The following MARK2 variants were observed in gnomAD, a reference collection of about 807,000 sequenced individuals.
The protein encoded by MARK2 is microtubule affinity regulating kinase 2.
MARK2 carries 16 observed loss-of-function variants against 89.8 expected under a neutral mutation model. The observed-to-expected ratio is 0.18, with a 90% confidence interval of 0.12 to 0.27. The LOEUF (loss-of-function observed/expected upper bound fraction) is 0.27. Ranked by LOEUF, MARK2 falls within the 10% of genes least tolerant of loss-of-function variation. The pLI is 1.00. For synonymous variants in MARK2, 382 were observed against 399.5 expected (o/e 0.96, Z 0.52); for missense variants, 621 against 1,049.9 (o/e 0.59, Z 5.65).
At chr11:63,896,189 C>G (rs1481298906) in intron 3 of MARK2, among the ~76,000 whole-genome samples, 1 of 152,198 alleles carries the variant, frequency 6.6e-6, no homozygotes, top group Non-Finnish European at 1.5e-5. Context: ...CTTGTGAAGT[C>G]TTTCTGTTCA....
At chr11:63,908,746 A>AG (rs1221097718) in intron 18 of MARK2, 131 bp from the exon 19 acceptor site, 34 of 897,212 alleles carry the variant, frequency 3.8e-5, no homozygotes, top group Non-Finnish European at 5.2e-5. Context: ...CCCGCAGGCC[A>AG]GGGGCCACGC....
At chr11:63,886,758 C>A (rs1335896721) in intron 1 of MARK2, among the ~76,000 whole-genome samples, 5 of 152,232 alleles carry the variant, frequency 3.3e-5, no homozygotes, top group African/African-American at 9.6e-5. Context: ...CCTACCCTAT[C>A]TCTTCCCAGC....
At chr11:63,906,135 G>GTA in intron 17 of MARK2, 21 bp downstream of exon 17, 1 of 572,074 alleles carries the variant, frequency 1.7e-6, no homozygotes, top group Non-Finnish European at 2.4e-6. Flanking sequence ...AGCCCGCTGT[G>GTA]TGTGTGTGTG....
intron 1 of MARK2, among the ~76,000 whole-genome samples, chr11:63,844,356 T>C (rs1009681014): frequency 6.6e-6 from 1 of 152,160 alleles, no homozygotes; most frequent in African/African-American, 2.4e-5. Context: ...TGGTGGCACA[T>C]GCCTGTGGTT....
intron 1 of MARK2, among the ~76,000 whole-genome samples, chr11:63,869,885 A>G (rs1040769599): frequency 6.6e-6 from 1 of 152,150 alleles, no homozygotes; most frequent in African/African-American, 2.4e-5. Context: ...TTGTGAGCAC[A>G]GAGGCACTGA....
chr11:63,846,781 G>T (rs538917541), intron 1 of MARK2, among the ~76,000 whole-genome samples: 6 of 150,292 alleles, frequency 4.0e-5, no homozygotes, highest in Non-Finnish European at 7.4e-5. Context: ...TCAGCCTCCC[G>T]AGTAGCTGGG....
intron 1 of MARK2, chr11:63,888,871 G>T (rs939712550): frequency 4.5e-6 from 6 of 1,330,972 alleles, no homozygotes; most frequent in Middle Eastern, 2.1e-4. Context: ...GGCTCTTCCC[G>T]GCCTCTGTAC....
chr11:63,904,684 T>C lies in MARK2; in HGVS notation c.1677-102T>C. ...GTCCTCGTGATGGCTGCCTCTGCCC[T>C]AGCATCCCCCTCCCTGTCCCCACCA... On this transcript the variant is annotated intron_variant, in intron 15 of 18. Coordinates refer to ENST00000402010, the MANE Select transcript of MARK2 (RefSeq NM_001039469.3). This position sits in a 1 kb window ranked among gnomAD's most constrained non-coding sequence, Gnocchi z 6.3. 2.1e-6 allele frequency: 2 copies of C among 959,610 alleles called. No individual in the cohort carries two copies. The highest frequency in any genetic ancestry group is 1.7e-6 in the Non-Finnish European group (1 of 603,926). The allele number at this position is 959,610 out of a possible 1,614,324, so 59.4% of individuals were successfully genotyped here.
At chr11:63,889,063 C>T (rs1447675433) in intron 1 of MARK2, 17 of 877,578 alleles carry the variant, frequency 1.9e-5, no homozygotes, top group East Asian at 1.1e-4. Flanking sequence ...GGGCGCCCTG[C>T]CTGAGTCCAG....
In MARK2 at chr11:63,908,928, G is replaced by A; in HGVS notation, c.2058G>A (p.Arg686=). The stretch of plus-strand genomic sequence containing the variant: ...ACGACAAAGAAAAGGAAGAATTTCG[G>A]GAGGCCAAGCCCCGCTCCCTCCGCT... ...GGNDKEKEEF[R]EAKPRSLRFT... The change falls in exon 19 of 19, where the codon CGG becomes CGA. Residue 686 remains arginine, a synonymous_variant. Coordinates refer to ENST00000402010, the MANE Select transcript of MARK2 (RefSeq NM_001039469.3). 6.6e-7 allele frequency: 1 copy of A among 1,507,720 alleles called. No individual in the cohort carries two copies. Among genetic ancestry groups the A allele is most frequent in the African/African-American group, 1.4e-5 (1 of 71,832 alleles). 93.4% of individuals were successfully genotyped at this position (1,507,720 alleles called of 1,614,324 possible).
chr11:63,900,527 T>G lies in MARK2; in HGVS notation c.769-32T>G. On this transcript the variant is annotated intron_variant, in intron 8 of 18. Coordinates refer to ENST00000402010, the MANE Select transcript of MARK2 (RefSeq NM_001039469.3). The surrounding 1 kb of genome is among the most constrained non-coding windows in gnomAD (Gnocchi z 4.7). ...GTTTCTTCCTTTGGCCTTGGGGTGA[T>G]TTCAATTTTCTAACCCTGGATCCTC... 6.2e-7 allele frequency: 1 copy of G among 1,610,494 alleles called. No individual in the cohort carries two copies. The highest frequency in any genetic ancestry group is 8.5e-7 in the Non-Finnish European group (1 of 1,178,030).
chr11:63,900,400 G>C lies in MARK2; in HGVS notation c.769-159G>C, dbSNP rs889046862. Among the ~76,000 whole-genome samples, 1 of 152,182 alleles carries C rather than the reference G, an allele frequency of 6.6e-6. No individual in the cohort carries two copies. Among genetic ancestry groups the C allele is most frequent in the Non-Finnish European group, 1.5e-5 (1 of 68,028 alleles). On this transcript the variant is annotated intron_variant, in intron 8 of 18. Transcript: ENST00000402010. The surrounding 1 kb of genome is among the most constrained non-coding windows in gnomAD (Gnocchi z 4.7). ...GGTACGAGGGTATTTGACTTCACTT[G>C]CCTCTCTGGTGAGGTGTCTTGTCCC...
intron 1 of MARK2, among the ~76,000 whole-genome samples, chr11:63,893,981 G>C (rs1940140308): frequency 6.6e-6 from 1 of 152,216 alleles, no homozygotes; most frequent in African/African-American, 2.4e-5. Context: ...CTGGTCCTAA[G>C]CATTTTGGAT....
chr11:63,854,572 C>T (rs2016746127), intron 1 of MARK2, among the ~76,000 whole-genome samples: 1 of 151,680 alleles, frequency 6.6e-6, no homozygotes, highest in African/African-American at 2.4e-5. Context: ...TAGTGACTCA[C>T]GCCTGTAATC....
chr11:63,851,920 C>T (rs1253897308), intron 1 of MARK2, among the ~76,000 whole-genome samples: 1 of 152,128 alleles, frequency 6.6e-6, no homozygotes, highest in Admixed American at 6.5e-5. Flanking sequence ...TAAGTATAGA[C>T]CCTGTCTTGG....
At chr11:63,893,875 A>G (rs1176153351) in intron 1 of MARK2, among the ~76,000 whole-genome samples, 1 of 152,244 alleles carries the variant, frequency 6.6e-6, no homozygotes. Flanking sequence ...TACACATGAA[A>G]AATAAATGTT....
At chr11:63,848,074 G>C (rs1260544386) in intron 1 of MARK2, among the ~76,000 whole-genome samples, 1 of 152,200 alleles carries the variant, frequency 6.6e-6, no homozygotes, top group African/African-American at 2.4e-5. Flanking sequence ...GGGAGCTTCC[G>C]GTCACCATGT....
In MARK2 at chr11:63,895,156, C is replaced by T. The variant is rs199614742; in HGVS notation, c.55-3C>T. 1,098 of 1,611,288 alleles carry T rather than the reference C, an allele frequency of 6.8e-4. 1 individual carries two copies. The highest frequency in any genetic ancestry group is 9.0e-4 in the Non-Finnish European group (1,061 of 1,178,050). Reference sequence around the variant, plus strand: ...TAATGGTATCTCTGTTTCCACCCCGCAGCCCACCTTGGGACACCTTGACTC... The same window carrying T: ...TAATGGTATCTCTGTTTCCACCCCGTAGCCCACCTTGGGACACCTTGACTC... On this transcript the variant is annotated splice_polypyrimidine_tract_variant and splice_region_variant and intron_variant, in intron 1 of 18. Transcript: ENST00000402010.
intron 1 of MARK2, among the ~76,000 whole-genome samples, chr11:63,844,485 GA>G (rs950458127): frequency 4.7e-5 from 7 of 149,850 alleles, no homozygotes; most frequent in East Asian, 1.9e-4. Context: ...CACTATCTCA[GA>G]AAAAAAAAAT....
Sources: allele counts gnomAD v4.1 joint callset (sites outside exome capture counted in the v4.1 genomes callset), GRCh38; gene constraint gnomAD v4.1.1; non-coding constraint Gnocchi (gnomAD v3.1); transcripts MANE v1.5; gene names NCBI Gene and HGNC (gene_info 2026-07-23, HGNC 2026-07-21).